COL26A1: variants seen among roughly 807,000 people sequenced by gnomAD.
COL26A1 encodes the protein collagen alpha-1(XXVI) chain.
In COL26A1, 41 loss-of-function variants were observed where a neutral mutation model predicts 59.3. The ratio of observed to expected loss-of-function variants is 0.69; its 90% CI spans 0.54 to 0.90. The LOEUF (loss-of-function observed/expected upper bound fraction) is 0.90, where lower values mean the gene tolerates loss of function less well. COL26A1 is among the 40% of genes least tolerant of loss of function. The probability of loss-of-function intolerance (pLI) is 0.00; values close to 1 mark genes in which losing one functional copy is unlikely to be tolerated. For synonymous variants in COL26A1, 266 were observed against 256.0 expected, an observed-to-expected ratio of 1.04 and a Z score of -0.37; for missense variants, 612 against 602.3, an observed-to-expected ratio of 1.02 and a Z score of -0.17.
At chr7:101,478,283 T>C (rs1456322551) in intron 3 of COL26A1, among the ~76,000 whole-genome samples, 4 of 152,180 alleles carry the variant, frequency 2.6e-5, no homozygotes, top group Admixed American at 6.5e-5. Context: ...GCCCAGCTCA[T>C]TGATATCTTT....
At chr7:101,509,177 G>A (rs966159440) in intron 3 of COL26A1, among the ~76,000 whole-genome samples, 2 of 152,168 alleles carry the variant, frequency 1.3e-5, no homozygotes, top group Non-Finnish European at 2.9e-5. Context: ...GGGCATGGTG[G>A]TTCGTGTCTG....
Position 101,489,821 on chromosome 7 carries a change from T to TCC in COL26A1, c.385+42035_385+42036insCC, listed in dbSNP as rs1563008103. ...TTCTTTCTTTCTTTCTTTCTTTCTT[T>TCC]CTTTCTTTCTTTCTTTCTTTCTTTC... On this transcript the variant is annotated intron_variant, in intron 3 of 12. Coordinates refer to ENST00000313669, the MANE Select transcript of COL26A1 (RefSeq NM_001278563.3). Among the ~76,000 whole-genome samples the TCC allele has an allele frequency of 1.2e-3, 9 of 7,284 alleles. 2 individuals are homozygous for TCC. The highest frequency in any genetic ancestry group is 2.6e-3 in the African/African-American group (2 of 768). The allele number at this position is 7,284 out of a possible 152,430, so 4.8% of individuals were successfully genotyped here.
chr7:101,427,043 C>T (rs931764303), intron 2 of COL26A1, among the ~76,000 whole-genome samples: 6 of 152,140 alleles, frequency 3.9e-5, no homozygotes, highest in African/African-American at 1.4e-4. Flanking sequence ...CTTGTCTGTT[C>T]CCCCTCATCA....
intron 3 of COL26A1, among the ~76,000 whole-genome samples, chr7:101,525,056 T>C (rs1795212630): frequency 6.6e-6 from 1 of 152,102 alleles, no homozygotes; most frequent in Non-Finnish European, 1.5e-5. Context: ...AAGAATCTTA[T>C]GAATCTTATG....
chr7:101,435,038 T>C (rs1792882269), intron 2 of COL26A1, among the ~76,000 whole-genome samples: 1 of 152,098 alleles, frequency 6.6e-6, no homozygotes, highest in Non-Finnish European at 1.5e-5. Flanking sequence ...AAGAGCTCTG[T>C]TCAGGGTTGG....
chr7:101,479,733 C>T lies in COL26A1; in HGVS notation c.385+31946C>T, dbSNP rs189280137. Among the ~76,000 whole-genome samples the T allele has an allele frequency of 2.0e-5, 3 of 152,156 alleles. No individual in the cohort carries two copies. In the East Asian group the frequency reaches 5.8e-4, roughly 29 times the overall value. On this transcript the variant is annotated intron_variant, in intron 3 of 12. Transcript: ENST00000313669. ...AGATTTTGCCTCTTTATAAAATTTC[C>T]TCTATTCTTTGTTTCTGGAACTCCT... is the stretch of plus-strand genomic sequence containing the variant.
chr7:101,476,633 T>C (rs956857094), intron 3 of COL26A1, among the ~76,000 whole-genome samples: 2 of 148,590 alleles, frequency 1.3e-5, no homozygotes, highest in African/African-American at 5.0e-5. Context: ...CTGCAAGCTC[T>C]GCCTCCAGAG....
At chr7:101,530,702 G>A (rs746211701) in intron 3 of COL26A1, among the ~76,000 whole-genome samples, 23 of 151,612 alleles carry the variant, frequency 1.5e-4, no homozygotes, top group Non-Finnish European at 2.6e-4. Flanking sequence ...AAATGTCAGC[G>A]TCGGTGGGTC....
At chr7:101,468,033 T>C (rs1444018980) in intron 3 of COL26A1, among the ~76,000 whole-genome samples, 1 of 152,112 alleles carries the variant, frequency 6.6e-6, no homozygotes, top group Non-Finnish European at 1.5e-5. Context: ...AGAAAAGAAA[T>C]GATTCACACT....
At chr7:101,487,171 C>T (rs912549655) in intron 3 of COL26A1, among the ~76,000 whole-genome samples, 3 of 152,206 alleles carry the variant, frequency 2.0e-5, no homozygotes, top group Admixed American at 6.5e-5. Flanking sequence ...GTCACAGACA[C>T]TGGACACCAG....
chr7:101,457,204 T>C (rs1793492829), intron 3 of COL26A1, among the ~76,000 whole-genome samples: 1 of 152,098 alleles, frequency 6.6e-6, no homozygotes, highest in African/African-American at 2.4e-5. Flanking sequence ...GGTTGAGTGA[T>C]GAGTCATGAG....
chr7:101,517,747 G>C (rs1795059089), intron 3 of COL26A1, among the ~76,000 whole-genome samples: 1 of 151,346 alleles, frequency 6.6e-6, no homozygotes, highest in Non-Finnish European at 1.5e-5. Context: ...CAGGGTTGGG[G>C]TGCTCCAGGG....
Position 101,446,469 on chromosome 7 carries a change from A to T in COL26A1, c.282-1215A>T, listed in dbSNP as rs551898648. 1.8e-4 allele frequency among the ~76,000 whole-genome samples: 27 copies of T among 152,320 alleles called. 1 individual carries two copies. The East Asian group carries it at 5.0e-3, about 28-fold the overall frequency. On this transcript the variant is annotated intron_variant, in intron 2 of 12. Transcript: ENST00000313669. ...TACAGAGAGGGATGGCGACTTGTGCAGGGTCACACAGCTGTCACTGCCCAA... is the reference window on the plus strand; with the variant it reads ...TACAGAGAGGGATGGCGACTTGTGCTGGGTCACACAGCTGTCACTGCCCAA...
intron 2 of COL26A1, among the ~76,000 whole-genome samples, chr7:101,440,109 T>A (rs113171020): frequency 0.12 from 18,267 of 152,222 alleles, 2,132 homozygotes; most frequent in African/African-American, 0.31. Flanking sequence ...CTCACGCCTG[T>A]AATCCCAGCA....
At chr7:101,486,935 C>A (rs1794281309) in intron 3 of COL26A1, among the ~76,000 whole-genome samples, 1 of 152,212 alleles carries the variant, frequency 6.6e-6, no homozygotes, top group East Asian at 1.9e-4. Context: ...CCCCCATGGT[C>A]ATCAGACAGG....
chr7:101,496,250 C>T lies in COL26A1; in HGVS notation c.386-36832C>T, dbSNP rs181563949. Among the ~76,000 whole-genome samples the T allele has an allele frequency of 9.3e-4, 141 of 152,298 alleles. 1 individual carries two copies. The highest frequency in any genetic ancestry group is 3.2e-3 in the African/African-American group (135 of 41,562). ...AAAGGCAGCTGATTCCTGGACCAGT[C>T]GGCTGTGGCCAGGGCCATGGGGTTA... On this transcript the variant is annotated intron_variant, in intron 3 of 12. Coordinates refer to ENST00000313669, the MANE Select transcript of COL26A1 (RefSeq NM_001278563.3).
intron 3 of COL26A1, among the ~76,000 whole-genome samples, chr7:101,480,823 C>G (rs187287586): frequency 6.6e-6 from 1 of 152,080 alleles, no homozygotes. Flanking sequence ...CTTTTATTTC[C>G]TCTCTCATTG....
intron 3 of COL26A1, among the ~76,000 whole-genome samples, chr7:101,455,915 A>G (rs1020872297): frequency 7.2e-5 from 11 of 151,728 alleles, no homozygotes; most frequent in Middle Eastern, 3.4e-3. Flanking sequence ...CGAACTCCTG[A>G]CCTCAGGTGA....
At chr7:101,442,890 C>T (rs1285379479) in intron 2 of COL26A1, among the ~76,000 whole-genome samples, 1 of 152,050 alleles carries the variant, frequency 6.6e-6, no homozygotes, top group Admixed American at 6.6e-5. Context: ...TGCGAGTGTG[C>T]AAGCACGAGT....
Sources: gnomAD v4.1 joint callset for allele counts (sites outside exome capture counted in the v4.1 genomes callset) on GRCh38, gnomAD v4.1.1 for gene constraint, MANE v1.5 for transcripts, NCBI Gene and HGNC (gene_info 2026-07-23, HGNC 2026-07-21) for gene names.